The following RAD21L1 variants were observed in gnomAD, a reference collection of about 807,000 sequenced individuals.
RAD21L1 encodes double-strand-break repair protein rad21-like protein 1.
Under a neutral mutation model 69.0 loss-of-function variants are expected in RAD21L1, and 47 were observed. The observed-to-expected ratio is 0.68, with a 90% confidence interval of 0.54 to 0.87. RAD21L1 has a LOEUF of 0.87. RAD21L1 is among the 40% of genes least tolerant of loss of function. The pLI is 0.00. For missense variants in RAD21L1, 583 were observed against 647.6 expected (o/e 0.90, Z 1.08); for synonymous variants, 177 against 205.8 (o/e 0.86, Z 1.20).
intron 5 of RAD21L1, among the ~76,000 whole-genome samples, chr20:1,237,768 A>G (rs1168425440): frequency 6.6e-6 from 1 of 152,188 alleles, no homozygotes; most frequent in African/African-American, 2.4e-5. Context: ...TAGTACTTTT[A>G]CCTTAGGAAG....
At chr20:1,253,464 T>C (rs1223664862) in intron 13 of RAD21L1, among the ~76,000 whole-genome samples, 1 of 152,202 alleles carries the variant, frequency 6.6e-6, no homozygotes, top group South Asian at 2.1e-4. Flanking sequence ...GCCCAGCTAA[T>C]TTTTGTATTT....
rs1404292221 is a variant in RAD21L1 at position 1,228,562 on chromosome 20, C to T, written c.109C>T (p.Leu37=). The T allele has an allele frequency of 5.2e-6, 8 of 1,547,332 alleles. No homozygotes were observed. The highest frequency in any genetic ancestry group is 2.0e-5 in the Admixed American group (1 of 49,932). ...AAAGGCCCATGTATTTGAATGTAAT[C>T]TAGAGATAACCATTGAAAAAATTCT... ...LTKAHVFECN[L]EITIEKILSP... is the part of the protein sequence containing the mutation. The change falls in exon 2 of 14, where the codon CTA becomes TTA. Residue 37 remains leucine (L), a synonymous_variant. Coordinates refer to ENST00000683101, the MANE Select transcript of RAD21L1 (RefSeq NM_001384355.1).
intron 6 of RAD21L1, 57 bp downstream of exon 6, chr20:1,238,271 ATATT>A (rs1458745187): frequency 8.8e-7 from 1 of 1,142,776 alleles, no homozygotes; most frequent in Non-Finnish European, 1.2e-6. Context: ...TTACTACAAT[ATATT>A]AGTAGATTTA....
At chr20:1,226,625 C>T (rs2087267731) in intron 1 of RAD21L1, among the ~76,000 whole-genome samples, 1 of 152,004 alleles carries the variant, frequency 6.6e-6, no homozygotes, top group Admixed American at 6.5e-5. Flanking sequence ...CCTTCGCTCC[C>T]TCCCCGCCAC....
chr20:1,235,363 T>C (rs2087473023), intron 5 of RAD21L1, among the ~76,000 whole-genome samples: 2 of 152,222 alleles, frequency 1.3e-5, no homozygotes, highest in Non-Finnish European at 2.9e-5. Flanking sequence ...TATCTGTAGC[T>C]GTGTTTCTCA....
At chr20:1,251,353 T>A (rs2087827934) in intron 13 of RAD21L1, among the ~76,000 whole-genome samples, 1 of 143,088 alleles carries the variant, frequency 7.0e-6, no homozygotes, top group Non-Finnish European at 1.5e-5. Context: ...CACTCTGGAA[T>A]TTCATGATGT....
Position 1,246,090 on chromosome 20 carries a change from G to C in RAD21L1, c.1309-123G>C. 1 of 470,794 alleles carries C rather than the reference G, an allele frequency of 2.1e-6. No individual in the cohort carries two copies. The allele number at this position is 470,794 out of a possible 1,614,324, so 29.2% of individuals were successfully genotyped here. ...TTCAGAGATAATATTTTGAGAATGT[G>C]GGTAGTATTTTAAATTAGTTTGAGA... On this transcript the variant is annotated intron_variant, in intron 11 of 13. Coordinates refer to ENST00000683101, the MANE Select transcript of RAD21L1 (RefSeq NM_001384355.1). This position sits in a 1 kb window ranked among gnomAD's most constrained non-coding sequence, Gnocchi z 4.6.
chr20:1,229,117 A>G (rs987137561), intron 2 of RAD21L1, among the ~76,000 whole-genome samples: 4 of 152,246 alleles, frequency 2.6e-5, no homozygotes, highest in African/African-American at 9.6e-5. Flanking sequence ...ATGGTGTGTT[A>G]GGCACTGGGC....
At position 1,243,157 on chromosome 20, in the gene RAD21L1, G is replaced by A; in HGVS notation, c.1144G>A (p.Glu382Lys). ...ACTTGGAAGAAAAATGATACAGAAG[G>A]AGTCAGTAAGGGAAGAAGTGGGAAA... ...FKLGRKMIQK[E>K]SVREEVGNQN... Residue 382 changes from glutamate (E) to lysine (K), a missense_variant, in exon 10 of 14, where the codon GAG becomes AAG. Coordinates refer to ENST00000683101, the MANE Select transcript of RAD21L1 (RefSeq NM_001384355.1). 1 of 1,538,840 alleles carries A rather than the reference G, an allele frequency of 6.5e-7. No homozygotes were observed. Among genetic ancestry groups the A allele is most frequent in the Middle Eastern group, 1.7e-4 (1 of 5,960 alleles).
rs1296851166 is a variant in RAD21L1, at chr20:1,246,401, TG to T, written c.1401+97del. The T allele has an allele frequency of 4.4e-6, 2 of 459,212 alleles. No individual in the cohort carries two copies. Among genetic ancestry groups the T allele is most frequent in the Non-Finnish European group, 7.6e-6 (2 of 262,430 alleles). 28.4% of individuals were successfully genotyped at this position (459,212 alleles called of 1,614,324 possible). On this transcript the variant is annotated intron_variant, in intron 12 of 13. Coordinates refer to ENST00000683101, the MANE Select transcript of RAD21L1 (RefSeq NM_001384355.1). This position sits in a 1 kb window ranked among gnomAD's most constrained non-coding sequence, Gnocchi z 4.6. Reference sequence around the variant, plus strand: ...TAAAACTTGGCTTTTATAGCTGTCATGTTACTTTCTAAATTTATAATTTAAA... The same window carrying T: ...TAAAACTTGGCTTTTATAGCTGTCATTTACTTTCTAAATTTATAATTTAAA...
Position 1,238,048 on chromosome 20 carries a change from G to A in RAD21L1, c.480G>A (p.Glu160=), listed in dbSNP as rs151213143. The change falls in exon 6 of 14, where the codon GAG becomes GAA. Residue 160 remains glutamate (E), a synonymous_variant. Coordinates refer to ENST00000683101, the MANE Select transcript of RAD21L1 (RefSeq NM_001384355.1). ...TAATGATATATATTTATTTAGGGGA[G>A]GAATCTGAAATTCTCAGAAGACATA... ...DLIFQAESFG[E]ESEILRRHSF... The A allele has an allele frequency of 3.8e-5, 56 of 1,486,150 alleles. 2 individuals carry two copies. The East Asian group carries it at 1.2e-3, about 33-fold the overall frequency. The allele number at this position is 1,486,150 out of a possible 1,614,324, so 92.1% of individuals were successfully genotyped here.
intron 2 of RAD21L1, 42 bp downstream of exon 2, chr20:1,228,639 T>C: frequency 2.2e-6 from 3 of 1,359,194 alleles, no homozygotes; most frequent in Non-Finnish European, 3.0e-6. Flanking sequence ...TTATCATGAC[T>C]TTGGAGGAGG....
chr20:1,242,791 G>A lies in RAD21L1; in HGVS notation c.1029G>A (p.Val343=). Residue 343 remains valine (V), a synonymous_variant, in exon 9 of 14, where the codon GTG becomes GTA. Coordinates refer to ENST00000683101, the MANE Select transcript of RAD21L1 (RefSeq NM_001384355.1). ...TGATGTGGAAGAAGAGGGGAGGAGTGCATACACTTCTGTCAACTGCTGCCC... is the reference window on the plus strand; with the variant it reads ...TGATGTGGAAGAAGAGGGGAGGAGTACATACACTTCTGTCAACTGCTGCCC... ...RLMMWKKRGG[V]HTLLSTAAQD... The A allele has an allele frequency of 3.2e-6, 5 of 1,551,542 alleles. No homozygotes were observed. Among genetic ancestry groups the A allele is most frequent in the Non-Finnish European group, 4.4e-6 (5 of 1,146,890 alleles).
intron 4 of RAD21L1, among the ~76,000 whole-genome samples, 175 bp from the exon 5 acceptor site, chr20:1,233,910 G>A (rs1568516987): frequency 1.3e-5 from 2 of 151,978 alleles, no homozygotes; most frequent in Non-Finnish European, 2.9e-5. Context: ...ATTGACCACT[G>A]GATTTGGAAG....
At chr20:1,251,416 T>C (rs1489166820) in intron 13 of RAD21L1, among the ~76,000 whole-genome samples, 1 of 151,886 alleles carries the variant, frequency 6.6e-6, no homozygotes, top group Admixed American at 6.6e-5. Flanking sequence ...GTGTGTTCTT[T>C]TATACAGAAA....
intron 5 of RAD21L1, among the ~76,000 whole-genome samples, chr20:1,234,413 C>T (rs1349605517): frequency 6.6e-6 from 1 of 152,060 alleles, no homozygotes; most frequent in Non-Finnish European, 1.5e-5. Flanking sequence ...TACTGAATAC[C>T]TACTCTGTAT....
Position 1,240,426 on chromosome 20 carries a change from A to C in RAD21L1, c.848A>C (p.Asp283Ala). Residue 283 changes from aspartate to alanine, a missense_variant, in exon 8 of 14, where the codon GAT (aspartate) becomes GCT (alanine). By Grantham distance (126) the Asp-to-Ala change is moderately radical (BLOSUM62 -2). Transcript: ENST00000683101. Reference sequence around the variant, plus strand: ...GAAGGATTTACCCTTGATCCAATTGATATTTCAGGTCAGAGGCATTTACGG... The same window carrying C: ...GAAGGATTTACCCTTGATCCAATTGCTATTTCAGGTCAGAGGCATTTACGG... ...EEEGFTLDPI[D>A]ISDIAEKRKG... The C allele has an allele frequency of 6.5e-7, 1 of 1,541,672 alleles. No individual in the cohort carries two copies. Among genetic ancestry groups the C allele is most frequent in the Non-Finnish European group, 8.7e-7 (1 of 1,143,982 alleles).
chr20:1,253,511 G>A (rs1343201936), intron 13 of RAD21L1, among the ~76,000 whole-genome samples: 1 of 152,116 alleles, frequency 6.6e-6, no homozygotes, highest in Non-Finnish European at 1.5e-5. Context: ...TTGCCAGACT[G>A]GTCTCGAACT....
intron 13 of RAD21L1, among the ~76,000 whole-genome samples, chr20:1,249,093 G>C (rs983324423): frequency 6.6e-6 from 1 of 152,080 alleles, no homozygotes; most frequent in Admixed American, 6.6e-5. Context: ...AAGCTCAATA[G>C]CACCATGCAA....
Sources: gnomAD v4.1 joint callset for allele counts (sites outside exome capture counted in the v4.1 genomes callset) on GRCh38, gnomAD v4.1.1 for gene constraint, Gnocchi (gnomAD v3.1) non-coding constraint, MANE v1.5 for transcripts, NCBI Gene and HGNC (gene_info 2026-07-23, HGNC 2026-07-21) for gene names.